SPOCK1: variants seen among roughly 807,000 people sequenced by gnomAD.
The protein encoded by SPOCK1 is testican-1.
Under a neutral mutation model 55.3 loss-of-function variants are expected in SPOCK1, and 23 were observed. The observed-to-expected ratio is 0.42, with a 90% CI of 0.30 to 0.59. The LOEUF is 0.59. SPOCK1 is among the 20% of genes least tolerant of loss of function. The pLI is 0.22. For missense variants in SPOCK1, 499 were observed against 552.5 expected (o/e 0.90, Z 0.97); for synonymous variants, 226 against 221.0 (o/e 1.02, Z -0.20).
At chr5:137,272,845 T>C (rs1428483877) in intron 2 of SPOCK1, among the ~76,000 whole-genome samples, 1 of 150,532 alleles carries the variant, frequency 6.6e-6, no homozygotes, top group Admixed American at 6.7e-5. Context: ...AGTAAATCCT[T>C]GCTAAATCAC....
intron 6 of SPOCK1, among the ~76,000 whole-genome samples, chr5:137,040,799 C>T (rs1751981203): frequency 6.6e-6 from 1 of 152,106 alleles, no homozygotes; most frequent in Non-Finnish European, 1.5e-5. Flanking sequence ...GTCTGTCACC[C>T]CATGAGAGAT....
At chr5:137,104,184 G>C (rs1480395739) in intron 5 of SPOCK1, among the ~76,000 whole-genome samples, 3 of 152,142 alleles carry the variant, frequency 2.0e-5, no homozygotes, top group Admixed American at 2.0e-4. Context: ...TCCCCACTTT[G>C]GTGCCATTTT....
intron 3 of SPOCK1, among the ~76,000 whole-genome samples, chr5:137,199,946 A>C (rs997347213): frequency 6.6e-6 from 1 of 152,000 alleles, no homozygotes; most frequent in East Asian, 1.9e-4. Flanking sequence ...CCAGCAGCAA[A>C]CTCACCAAAA....
At chr5:137,483,749 T>C (rs891719572) in intron 2 of SPOCK1, among the ~76,000 whole-genome samples, 3 of 152,132 alleles carry the variant, frequency 2.0e-5, no homozygotes, top group Admixed American at 2.0e-4. Context: ...CTCCAACCAG[T>C]ATGGCACCAA....
intron 3 of SPOCK1, among the ~76,000 whole-genome samples, chr5:137,263,741 A>G (rs1033089624): frequency 7.9e-5 from 12 of 152,192 alleles, no homozygotes; most frequent in African/African-American, 2.7e-4. Context: ...AGACAAAAGG[A>G]TATACTACTT....
intron 6 of SPOCK1, among the ~76,000 whole-genome samples, chr5:137,012,979 T>G (rs1338098490): frequency 1.3e-5 from 2 of 152,142 alleles, no homozygotes; most frequent in Non-Finnish European, 2.9e-5. Context: ...AAAAGCAGCT[T>G]ACAAAAGCAT....
chr5:137,090,647 G>A (rs1447903989), intron 5 of SPOCK1, among the ~76,000 whole-genome samples: 1 of 152,170 alleles, frequency 6.6e-6, no homozygotes, highest in Non-Finnish European at 1.5e-5. Context: ...GAATTCGGTC[G>A]AGCTTGATTG....
chr5:137,286,713 A>G (rs1757273793), intron 2 of SPOCK1, among the ~76,000 whole-genome samples: 1 of 152,212 alleles, frequency 6.6e-6, no homozygotes, highest in Admixed American at 6.5e-5. Flanking sequence ...TGGTAGGTGA[A>G]GCCAGTGACA....
chr5:137,193,561 T>C (rs1755231214), intron 3 of SPOCK1, among the ~76,000 whole-genome samples: 1 of 152,184 alleles, frequency 6.6e-6, no homozygotes, highest in African/African-American at 2.4e-5. Flanking sequence ...AGACTCATAA[T>C]GGGCAGTCAC....
intron 2 of SPOCK1, among the ~76,000 whole-genome samples, chr5:137,426,024 A>G (rs1033289899): frequency 1.3e-5 from 2 of 151,326 alleles, no homozygotes; most frequent in African/African-American, 4.9e-5. Flanking sequence ...CTTAGCGTCT[A>G]TCCAGAAATT....
At chr5:137,282,106 G>A (rs1012161415) in intron 2 of SPOCK1, among the ~76,000 whole-genome samples, 6 of 152,160 alleles carry the variant, frequency 3.9e-5, no homozygotes, top group African/African-American at 7.2e-5. Context: ...AGACTTACAT[G>A]CCAAACACCC....
chr5:137,317,857 A>T (rs1363702834), intron 2 of SPOCK1, among the ~76,000 whole-genome samples: 1 of 152,232 alleles, frequency 6.6e-6, no homozygotes, highest in East Asian at 1.9e-4. Flanking sequence ...CTAGTTTCCA[A>T]GATCCGCATA....
intron 5 of SPOCK1, among the ~76,000 whole-genome samples, chr5:137,089,438 C>T (rs992487800): frequency 1.3e-5 from 2 of 152,126 alleles, no homozygotes; most frequent in African/African-American, 2.4e-5. Context: ...TCCTCCTCCT[C>T]CCACACCAGC....
At chr5:137,172,269 C>T (rs1024736760) in intron 3 of SPOCK1, among the ~76,000 whole-genome samples, 14 of 152,148 alleles carry the variant, frequency 9.2e-5, no homozygotes, top group Non-Finnish European at 2.1e-4. Context: ...TATGAAAACG[C>T]CAGTACTTTC....
intron 4 of SPOCK1, among the ~76,000 whole-genome samples, chr5:137,129,239 C>T (rs962462044): frequency 6.6e-6 from 1 of 152,168 alleles, no homozygotes; most frequent in African/African-American, 2.4e-5. Context: ...CGAGCTCCTT[C>T]TCTTCTTCCC....
rs536597305 is a variant in SPOCK1, at chr5:137,160,333, A to C, written c.233-19639T>G. 1.3e-3 allele frequency among the ~76,000 whole-genome samples: 165 copies of C among 124,576 alleles called. 1 individual carries two copies. Among genetic ancestry groups the C allele is most frequent in the Non-Finnish European group, 2.0e-3 (123 of 60,394 alleles). The allele number at this position is 124,576 out of a possible 152,430, so 81.7% of individuals were successfully genotyped here. On this transcript the variant is annotated intron_variant, in intron 3 of 10. Coordinates refer to ENST00000394945, the MANE Select transcript of SPOCK1 (RefSeq NM_004598.4). ...CATAGTATTCCATAATATATATATT[A>C]TATATATTATATTATATTATATAAA... is the stretch of plus-strand genomic sequence containing the variant.
intron 5 of SPOCK1, among the ~76,000 whole-genome samples, chr5:137,081,241 T>A (rs1444905278): frequency 6.6e-6 from 1 of 152,198 alleles, no homozygotes; most frequent in East Asian, 1.9e-4. Flanking sequence ...ACTCTCTGCA[T>A]AAAAACACCT....
At chr5:137,273,850 G>A (rs1048147205) in intron 2 of SPOCK1, among the ~76,000 whole-genome samples, 4 of 152,220 alleles carry the variant, frequency 2.6e-5, no homozygotes, top group Admixed American at 6.5e-5. Flanking sequence ...TTGCCTTGCA[G>A]TTTCAAAATA....
At chr5:137,411,345 G>A (rs963811437) in intron 2 of SPOCK1, among the ~76,000 whole-genome samples, 12 of 152,148 alleles carry the variant, frequency 7.9e-5, no homozygotes, top group Non-Finnish European at 1.8e-4. Context: ...AGGCAAGATG[G>A]AGGGTGTTCT....
Sources: gnomAD v4.1 joint callset for allele counts (sites outside exome capture counted in the v4.1 genomes callset) on GRCh38, gnomAD v4.1.1 for gene constraint, MANE v1.5 for transcripts, NCBI Gene and HGNC (gene_info 2026-07-23, HGNC 2026-07-21) for gene names.